The following GIGYF2 variants were observed in gnomAD, a reference collection of about 807,000 sequenced individuals.
GIGYF2 encodes GRB10 interacting GYF protein 2.
In GIGYF2, 25 loss-of-function variants were observed where a neutral mutation model predicts 208.1. The observed-to-expected ratio is 0.12, with a 90% CI of 0.09 to 0.17. The LOEUF is 0.17. GIGYF2 is among the 10% of genes least tolerant of loss of function. The probability of loss-of-function intolerance (pLI) is 1.00; values close to 1 mark genes in which losing one functional copy is unlikely to be tolerated. For synonymous variants in GIGYF2, 534 were observed against 543.8 expected (o/e 0.98, Z 0.25); for missense variants, 1,302 against 1,579.4 (o/e 0.82, Z 2.98).
chr2:232,698,531 C>A (rs1695708276), intron 1 of GIGYF2, among the ~76,000 whole-genome samples: 1 of 152,000 alleles, frequency 6.6e-6, no homozygotes, highest in Admixed American at 6.6e-5. Context: ...AATTTTGCTC[C>A]TTCTAATATT....
intron 2 of GIGYF2, among the ~76,000 whole-genome samples, chr2:232,720,413 G>C (rs1300199437): frequency 2.0e-5 from 3 of 152,124 alleles, no homozygotes; most frequent in African/African-American, 7.2e-5. Context: ...GTGTGCATGT[G>C]TCTTTATAGT....
intron 28 of GIGYF2, among the ~76,000 whole-genome samples, chr2:232,854,850 C>G (rs1048148972): frequency 2.6e-5 from 4 of 152,100 alleles, no homozygotes; most frequent in Non-Finnish European, 5.9e-5. Context: ...ATTAACAGAA[C>G]TGCTTTTAGA....
chr2:232,725,644 T>C (rs1309252629), intron 2 of GIGYF2, among the ~76,000 whole-genome samples: 1 of 152,262 alleles, frequency 6.6e-6, no homozygotes. Flanking sequence ...AGTGTTATGC[T>C]TCTCATTTTA....
chr2:232,826,366 T>C (rs952435670), intron 21 of GIGYF2, among the ~76,000 whole-genome samples: 1 of 152,210 alleles, frequency 6.6e-6, no homozygotes. Flanking sequence ...TAGCATCTGT[T>C]GTTTTCCTGA....
chr2:232,835,501 A>G lies in GIGYF2; in HGVS notation c.2766+2408A>G, dbSNP rs749151383. Among the ~76,000 whole-genome samples the G allele has an allele frequency of 2.6e-5, 4 of 151,978 alleles. No homozygotes were observed. In the East Asian group the frequency reaches 5.8e-4, roughly 22 times the overall value. On this transcript the variant is annotated intron_variant, in intron 22 of 28. Coordinates refer to ENST00000373563, the MANE Select transcript of GIGYF2 (RefSeq NM_001103146.3). ...TGTTGCCTGCTTTTTTCCCCAGTGT[A>G]TGGGTTATACTTTCCTGTTTCTTGC... is the stretch of plus-strand genomic sequence containing the variant.
At position 232,856,807 on chromosome 2, in the gene GIGYF2, G is replaced by C. The variant is rs1384327508; in HGVS notation, c.3847G>C (p.Ala1283Pro). 6.2e-7 allele frequency: 1 copy of C among 1,612,812 alleles called. No individual in the cohort carries two copies. Among genetic ancestry groups the C allele is most frequent in the South Asian group, 1.1e-5 (1 of 91,066 alleles). ...TTTTTCTGCAGGATTTTCAGTCAAT[G>C]CATCATCGGAGCGACTCAACATGGG... ...DPSLLGFSVN[A>P]SSERLNMGEI... The change falls in exon 29 of 29, where the codon GCA becomes CCA. Residue 1283 changes from alanine to proline, a missense_variant. Physicochemically the swap from Ala to Pro is conservative, Grantham distance 27. This residue lies in a region of GIGYF2 where 25 missense variants were observed against 53.7 expected (regional missense o/e 0.47). Coordinates refer to ENST00000373563, the MANE Select transcript of GIGYF2 (RefSeq NM_001103146.3).
At chr2:232,724,050 C>G (rs1283929308) in intron 2 of GIGYF2, among the ~76,000 whole-genome samples, 1 of 149,226 alleles carries the variant, frequency 6.7e-6, no homozygotes, top group Non-Finnish European at 1.5e-5. Flanking sequence ...AGCTAAGATT[C>G]TTATTTTTGA....
At chr2:232,826,444 C>G (rs543473338) in intron 21 of GIGYF2, among the ~76,000 whole-genome samples, 8 of 152,318 alleles carry the variant, frequency 5.3e-5, no homozygotes, top group South Asian at 2.1e-4. Context: ...TTGCATTTCT[C>G]TGATGACCAG....
At chr2:232,730,022 G>A in intron 2 of GIGYF2, 1 of 803,660 alleles carries the variant, frequency 1.2e-6, no homozygotes, top group Non-Finnish European at 2.2e-6. Flanking sequence ...CGTAAGACTT[G>A]ATGTGATTAT....
intron 2 of GIGYF2, among the ~76,000 whole-genome samples, chr2:232,716,279 G>C: frequency 6.6e-6 from 1 of 151,314 alleles, no homozygotes; most frequent in East Asian, 1.9e-4. Flanking sequence ...TTTTAGCCTA[G>C]TAAATGAGTC....
intron 8 of GIGYF2, among the ~76,000 whole-genome samples, chr2:232,763,511 TA>T (rs1283339318): frequency 6.6e-6 from 1 of 152,118 alleles, no homozygotes; most frequent in Non-Finnish European, 1.5e-5. Flanking sequence ...ATAGAACAAT[TA>T]TAACAATATA....
chr2:232,710,667 G>A (rs1219246707), intron 2 of GIGYF2, among the ~76,000 whole-genome samples: 1 of 150,350 alleles, frequency 6.7e-6, no homozygotes, highest in African/African-American at 2.4e-5. Context: ...TTTTGAATAA[G>A]TGTCACATTT....
At chr2:232,713,906 T>G (rs1696544557) in intron 2 of GIGYF2, among the ~76,000 whole-genome samples, 1 of 152,184 alleles carries the variant, frequency 6.6e-6, no homozygotes, top group South Asian at 2.1e-4. Context: ...CACTGTGAAG[T>G]TAGTTATTCC....
At chr2:232,797,780 A>G (rs577816683) in intron 14 of GIGYF2, among the ~76,000 whole-genome samples, 2 of 152,170 alleles carry the variant, frequency 1.3e-5, no homozygotes, top group East Asian at 1.9e-4. Context: ...CAGGAGTTCA[A>G]GACCAGACTG....
chr2:232,712,205 A>G (rs1696452219), intron 2 of GIGYF2, among the ~76,000 whole-genome samples: 1 of 152,198 alleles, frequency 6.6e-6, no homozygotes, highest in Non-Finnish European at 1.5e-5. Context: ...CCTAGTCTGG[A>G]CACCCATATT....
chr2:232,838,282 ATG>A (rs146270959), intron 22 of GIGYF2, among the ~76,000 whole-genome samples: 15 of 149,984 alleles, frequency 1.0e-4, no homozygotes, highest in Non-Finnish European at 7.4e-5. Context: ...GTGTGTGTGC[ATG>A]TGTATATATA....
chr2:232,756,195 CTCT>C, intron 5 of GIGYF2, 25 bp from the exon 6 acceptor site: 1 of 1,023,756 alleles, frequency 9.8e-7, no homozygotes, highest in East Asian at 2.7e-5. Flanking sequence ...TTTCCTTTTT[CTCT>C]TTTTTTTTTT....
chr2:232,799,552 AAATAATAATAAT>A (rs55730253), intron 14 of GIGYF2, among the ~76,000 whole-genome samples: 17 of 146,822 alleles, frequency 1.2e-4, no homozygotes, highest in Non-Finnish European at 1.5e-4. Context: ...CCTGTCTTTA[AAATAATAATAAT>A]AATAATAATA....
rs115270439 is a variant in GIGYF2, at chr2:232,841,605, G to T, written c.2889+1634G>T. 7.9e-3 allele frequency among the ~76,000 whole-genome samples: 1,197 copies of T among 151,928 alleles called. 14 individuals are homozygous for T. Among genetic ancestry groups the T allele is most frequent in the African/African-American group, 0.027 (1,108 of 41,424 alleles). Reference sequence around the variant, plus strand: ...GCTGGAATAACAGACATGAGCCACCGTGCCCTGCCTTCATTTGTATTTTCA... The same window carrying T: ...GCTGGAATAACAGACATGAGCCACCTTGCCCTGCCTTCATTTGTATTTTCA... On this transcript the variant is annotated intron_variant, in intron 23 of 28. Coordinates refer to ENST00000373563, the MANE Select transcript of GIGYF2 (RefSeq NM_001103146.3).
Sources: allele counts gnomAD v4.1 joint callset (sites outside exome capture counted in the v4.1 genomes callset), GRCh38; gene constraint gnomAD v4.1.1; regional missense constraint gnomAD v4.1.1; transcripts MANE v1.5; gene names NCBI Gene and HGNC (gene_info 2026-07-23, HGNC 2026-07-21).